Variants in P3H2 observed in about 807,000 individuals in gnomAD.
P3H2 encodes the protein leprecan-like 1.
A neutral mutation model predicts 87.0 loss-of-function variants in P3H2; 80 were observed. The ratio of observed to expected loss-of-function variants is 0.92; its 90% CI spans 0.77 to 1.11. P3H2 has a LOEUF of 1.11. Among genes scored for constraint, P3H2 ranks in the 50% least tolerant of loss-of-function variants. P3H2 has a pLI of 0.00. For synonymous variants in P3H2, 367 were observed against 359.3 expected, an observed-to-expected ratio of 1.02 and a Z score of -0.24; for missense variants, 1,001 against 923.9, an observed-to-expected ratio of 1.08 and a Z score of -1.08.
chr3:190,106,257 T>C (rs775604969), intron 1 of P3H2, among the ~76,000 whole-genome samples: 8 of 152,188 alleles, frequency 5.3e-5, no homozygotes, highest in Non-Finnish European at 8.8e-5. Context: ...TTTCTTAACA[T>C]AGCAAATGAA....
At chr3:190,097,977 CT>C (rs1229850998) in intron 1 of P3H2, among the ~76,000 whole-genome samples, 1 of 152,052 alleles carries the variant, frequency 6.6e-6, no homozygotes, top group East Asian at 1.9e-4. Context: ...CACATTAAGC[CT>C]TATGGCTAGT....
At chr3:190,046,803 A>G (rs1485566197) in intron 1 of P3H2, among the ~76,000 whole-genome samples, 1 of 152,158 alleles carries the variant, frequency 6.6e-6, no homozygotes, top group Non-Finnish European at 1.5e-5. Context: ...AATTTATTTT[A>G]GGGTAATTTA....
intron 3 of P3H2, among the ~76,000 whole-genome samples, chr3:189,992,012 A>T (rs1481041563): frequency 6.6e-6 from 1 of 151,840 alleles, no homozygotes; most frequent in Non-Finnish European, 1.5e-5. Flanking sequence ...GTAAAAAATC[A>T]TATGGGAATA....
intron 1 of P3H2, among the ~76,000 whole-genome samples, chr3:190,004,061 A>T (rs138166207): frequency 5.9e-5 from 9 of 152,278 alleles, no homozygotes; most frequent in African/African-American, 1.9e-4. Context: ...AAATAAATAG[A>T]AATCCAATGT....
chr3:190,083,496 T>C (rs546718972), intron 1 of P3H2, among the ~76,000 whole-genome samples: 1 of 152,326 alleles, frequency 6.6e-6, no homozygotes, highest in African/African-American at 2.4e-5. Flanking sequence ...TTTCAAAGGA[T>C]TTTTAACTGG....
At chr3:190,117,693 A>C (rs976673582) in intron 1 of P3H2, among the ~76,000 whole-genome samples, 2 of 143,416 alleles carry the variant, frequency 1.4e-5, no homozygotes, top group African/African-American at 5.2e-5. Flanking sequence ...GTGCGTATTC[A>C]TAAGTGAAAT....
chr3:190,013,016 A>G (rs926099177), intron 1 of P3H2, among the ~76,000 whole-genome samples: 4 of 152,168 alleles, frequency 2.6e-5, no homozygotes, highest in African/African-American at 9.7e-5. Context: ...GGCTCTCAAT[A>G]AGGACTGTAA....
In P3H2 at chr3:189,995,358, C is replaced by T. The variant is rs371483753; in HGVS notation, c.565G>A (p.Glu189Lys). The change falls in exon 2 of 15, where the codon GAG becomes AAG. Residue 189 changes from glutamate to lysine, a missense_variant. Physicochemically the swap from Glu to Lys is moderately conservative, Grantham distance 56 (BLOSUM62 1). Coordinates refer to ENST00000319332, the MANE Select transcript of P3H2 (RefSeq NM_018192.4). Reference protein sequence around the residue: ...PEHMEMQQNIENYRATAGVEA... With the variant: ...PEHMEMQQNIKNYRATAGVEA... The stretch of plus-strand genomic sequence containing the variant: ...ACACCAGCTGTCGCCCTGTAATTCT[C>T]AATGTTCTGCTGCATTTCCATGTGC... 1 of 1,614,092 alleles carries T rather than the reference C, an allele frequency of 6.2e-7. No individual in the cohort carries two copies. Among genetic ancestry groups the T allele is most frequent in the African/African-American group, 1.3e-5 (1 of 75,024 alleles).
At chr3:190,024,830 T>C (rs769355244) in intron 1 of P3H2, among the ~76,000 whole-genome samples, 1 of 152,310 alleles carries the variant, frequency 6.6e-6, no homozygotes, top group Middle Eastern at 3.4e-3. Context: ...ACATTTTTCT[T>C]ACAGACAATG....
chr3:190,072,043 G>A (rs1166180957), intron 1 of P3H2, among the ~76,000 whole-genome samples: 3 of 146,876 alleles, frequency 2.0e-5, no homozygotes, highest in Non-Finnish European at 3.0e-5. Context: ...GTGCAGTGGC[G>A]CCATCTCGGC....
chr3:189,966,254 C>G (rs1188113548), intron 13 of P3H2, among the ~76,000 whole-genome samples: 1 of 152,150 alleles, frequency 6.6e-6, no homozygotes, highest in East Asian at 1.9e-4. Context: ...GCTGCCCACT[C>G]CCTGGTGCTG....
chr3:190,084,875 T>G (rs1483441751), intron 1 of P3H2, among the ~76,000 whole-genome samples: 1 of 151,890 alleles, frequency 6.6e-6, no homozygotes, highest in Non-Finnish European at 1.5e-5. Context: ...TAAGATAGTA[T>G]GTACATAGTT....
intron 14 of P3H2, among the ~76,000 whole-genome samples, chr3:189,960,311 T>C (rs1284015225): frequency 1.1e-4 from 16 of 152,222 alleles, no homozygotes; most frequent in Admixed American, 8.5e-4. Flanking sequence ...ATTATTTATT[T>C]ATTTTTTACT....
chr3:190,105,841 T>G (rs1292858564), intron 1 of P3H2, among the ~76,000 whole-genome samples: 1 of 152,314 alleles, frequency 6.6e-6, no homozygotes, highest in African/African-American at 2.4e-5. Context: ...CCCCAAGGAC[T>G]AGAGAAAGCC....
chr3:190,065,894 T>G (rs1726483100), intron 1 of P3H2, among the ~76,000 whole-genome samples: 1 of 152,120 alleles, frequency 6.6e-6, no homozygotes, highest in South Asian at 2.1e-4. Context: ...GAGATTTTCA[T>G]AGCTTGTGTC....
At chr3:189,963,836 A>G (rs1356658988) in intron 14 of P3H2, 122 bp downstream of exon 14, 1 of 927,536 alleles carries the variant, frequency 1.1e-6, no homozygotes, top group Admixed American at 1.7e-5. Flanking sequence ...ACTAGAACAT[A>G]TCTGATTAAG....
chr3:190,060,839 A>C (rs998286301), intron 1 of P3H2, among the ~76,000 whole-genome samples: 1 of 152,156 alleles, frequency 6.6e-6, no homozygotes, highest in Non-Finnish European at 1.5e-5. Flanking sequence ...GGAGTATAGA[A>C]ATGGCAGGAA....
At chr3:190,113,123 G>A (rs1261753945) in intron 1 of P3H2, among the ~76,000 whole-genome samples, 1 of 152,136 alleles carries the variant, frequency 6.6e-6, no homozygotes, top group African/African-American at 2.4e-5. Flanking sequence ...GGTCTCAAGT[G>A]CACCACTGAT....
At chr3:190,058,554 C>A (rs1726235196) in intron 1 of P3H2, among the ~76,000 whole-genome samples, 1 of 151,988 alleles carries the variant, frequency 6.6e-6, no homozygotes, top group Admixed American at 6.6e-5. Context: ...GAGTAGATGT[C>A]CAGGAATGGA....
Sources: gnomAD v4.1 joint callset for allele counts (sites outside exome capture counted in the v4.1 genomes callset) on GRCh38, gnomAD v4.1.1 for gene constraint, MANE v1.5 for transcripts, NCBI Gene and HGNC (gene_info 2026-07-23, HGNC 2026-07-21) for gene names.